CAPS2: variants seen among roughly 807,000 people sequenced by gnomAD.
The protein encoded by CAPS2 is calcyphosin-2.
CAPS2 carries 98 observed loss-of-function variants against 86.5 expected under a neutral mutation model. That is an observed-to-expected ratio of 1.13 (90% CI 0.96 to 1.34). CAPS2 has a LOEUF of 1.34. CAPS2 is among the 40% of genes most tolerant of loss of function. The probability of loss-of-function intolerance (pLI) is 0.00; values close to 1 mark genes in which losing one functional copy is unlikely to be tolerated. For synonymous variants in CAPS2, 210 were observed against 225.1 expected (o/e 0.93, Z 0.60); for missense variants, 729 against 686.8 (o/e 1.06, Z -0.69).
chr12:75,377,551 T>A (rs2044714184), intron 1 of CAPS2, among the ~76,000 whole-genome samples: 1 of 152,016 alleles, frequency 6.6e-6, no homozygotes, highest in East Asian at 1.9e-4. Flanking sequence ...CTCCAAAAGC[T>A]GAAGAGGCGG....
exon 17 of CAPS2, chr12:75,277,920 T>G (rs1273249877): frequency 1.2e-6 from 1 of 833,816 alleles, no homozygotes; most frequent in African/African-American, 1.9e-5. Flanking sequence ...TAACATATAT[T>G]TAGAAGGAAA....
At chr12:75,325,136 A>G in intron 2 of CAPS2, 103 bp downstream of exon 3, 1 of 1,112,170 alleles carries the variant, frequency 9.0e-7, no homozygotes, top group East Asian at 2.8e-5. Context: ...TCTGTGGTTC[A>G]CAATCATAGC....
intron 7 of CAPS2, among the ~76,000 whole-genome samples, chr12:75,309,368 G>T (rs1458778031): frequency 6.6e-6 from 1 of 152,090 alleles, no homozygotes; most frequent in African/African-American, 2.4e-5. Context: ...CTTTGTTCAG[G>T]ACACCAAGAA....
At chr12:75,298,178 A>T (rs1291464712) in intron 11 of CAPS2, 1 of 157,254 alleles carries the variant, frequency 6.4e-6, no homozygotes, top group East Asian at 1.8e-4. Flanking sequence ...CTGTAACATT[A>T]TCTATGCTCC....
intron 1 of CAPS2, among the ~76,000 whole-genome samples, chr12:75,363,964 G>T (rs907182696): frequency 1.3e-5 from 2 of 152,168 alleles, no homozygotes; most frequent in Non-Finnish European, 2.9e-5. Context: ...GTTCTGATTG[G>T]CAATTGGTTG....
intron 1 of CAPS2, among the ~76,000 whole-genome samples, chr12:75,345,470 C>T (rs1326275348): frequency 6.6e-6 from 1 of 152,092 alleles, no homozygotes; most frequent in Non-Finnish European, 1.5e-5. Context: ...AAAGAGCTAA[C>T]CTTCTTCTCT....
chr12:75,293,537 A>T (rs1294370205), intron 11 of CAPS2, among the ~76,000 whole-genome samples, 170 bp from the exon 12 acceptor site: 1 of 152,226 alleles, frequency 6.6e-6, no homozygotes, highest in Non-Finnish European at 1.5e-5. Context: ...ATATAGATAA[A>T]CCAATATCTC....
chr12:75,319,260 T>C (rs1555207075), intron 5 of CAPS2, among the ~76,000 whole-genome samples: 1 of 152,270 alleles, frequency 6.6e-6, no homozygotes, highest in East Asian at 1.9e-4. Context: ...TGTTGAAATT[T>C]AATCCCCAAT....
chr12:75,363,703 A>G (rs1455459194), intron 1 of CAPS2, among the ~76,000 whole-genome samples: 1 of 152,196 alleles, frequency 6.6e-6, no homozygotes, highest in Admixed American at 6.6e-5. Context: ...TGTCAACAAA[A>G]TATCAAACTC....
intron 1 of CAPS2, chr12:75,366,809 A>G: frequency 1.4e-6 from 1 of 697,252 alleles, no homozygotes; most frequent in African/African-American, 1.8e-5. Context: ...ATCACCTCTG[A>G]GAGGGCTAAA....
chr12:75,286,091 A>G (rs1248102037), intron 14 of CAPS2, among the ~76,000 whole-genome samples: 1 of 152,068 alleles, frequency 6.6e-6, no homozygotes, highest in African/African-American at 2.4e-5. Flanking sequence ...CAATGTTTTA[A>G]TCAAGTTGTT....
chr12:75,323,527 T>C (rs186227856), intron 2 of CAPS2, among the ~76,000 whole-genome samples: 58 of 152,298 alleles, frequency 3.8e-4, no homozygotes, highest in Admixed American at 9.2e-4. Flanking sequence ...GCAGATCACC[T>C]GAGGTCGGGA....
intron 5 of CAPS2, among the ~76,000 whole-genome samples, chr12:75,317,056 C>T (rs977275230): frequency 1.3e-5 from 2 of 152,210 alleles, no homozygotes; most frequent in Non-Finnish European, 2.9e-5. Flanking sequence ...TTTAGATCTT[C>T]CTTGAAAGGT....
chr12:75,334,420 A>G (rs2041561361), upstream of CAPS2: 4 of 1,096,480 alleles, frequency 3.6e-6, no homozygotes, highest in Admixed American at 8.7e-5. Context: ...AATCTGTATT[A>G]CAATCCAGAC....
chr12:75,283,204 A>G (rs2034290393), intron 15 of CAPS2, among the ~76,000 whole-genome samples: 1 of 152,210 alleles, frequency 6.6e-6, no homozygotes, highest in South Asian at 2.1e-4. Flanking sequence ...TAGCTCTATC[A>G]TAAGATATCA....
intron 1 of CAPS2, among the ~76,000 whole-genome samples, chr12:75,341,178 C>A (rs1451474896): frequency 6.6e-6 from 1 of 152,108 alleles, no homozygotes; most frequent in Non-Finnish European, 1.5e-5. Flanking sequence ...TGGATACTCC[C>A]GATTCAATGC....
Position 75,285,596 on chromosome 12 carries a change from C to T in CAPS2, c.1396-516G>A, listed in dbSNP as rs1593214407. On this transcript the variant is annotated intron_variant, in intron 14 of 16. Coordinates refer to ENST00000393284, the Ensembl canonical transcript of CAPS2. ...AACTTGTACCTTCTGACCAATTTTC[C>T]ATTTTCCTTGTATACCACCCCTCTC... Among the ~76,000 whole-genome samples, 5 of 151,914 alleles carry T rather than the reference C, an allele frequency of 3.3e-5. No individual in the cohort carries two copies. In the East Asian group the frequency reaches 9.7e-4, roughly 29 times the overall value.
chr12:75,288,715 T>C (rs2035331493), intron 14 of CAPS2, among the ~76,000 whole-genome samples: 1 of 152,232 alleles, frequency 6.6e-6, no homozygotes, highest in South Asian at 2.1e-4. Context: ...CTTCCTTCCA[T>C]AAATTTATCC....
At chr12:75,316,163 TA>T in intron 6 of CAPS2, 148 bp downstream of exon 6, 1 of 991,366 alleles carries the variant, frequency 1.0e-6, no homozygotes, top group Non-Finnish European at 1.4e-6. Context: ...CAATCATTTA[TA>T]AAAATGAGGA....
Sources: allele counts gnomAD v4.1 joint callset (sites outside exome capture counted in the v4.1 genomes callset), GRCh38; gene constraint gnomAD v4.1.1; transcripts MANE v1.5; gene names NCBI Gene and HGNC (gene_info 2026-07-23, HGNC 2026-07-21).